MED12L: variants seen among roughly 807,000 people sequenced by gnomAD.
MED12L encodes the protein mediator of RNA polymerase II transcription subunit 12-like protein.
In MED12L, 60 loss-of-function variants were observed where a neutral mutation model predicts 281.3. The ratio of observed to expected loss-of-function variants is 0.21; its 90% CI spans 0.17 to 0.26. MED12L has a LOEUF of 0.26. Ranked by LOEUF, MED12L falls within the 10% of genes least tolerant of loss-of-function variation. The pLI, the probability that MED12L is intolerant of heterozygous loss-of-function variation, is 1.00. For missense variants in MED12L, 2,146 were observed against 2,680.9 expected, an observed-to-expected ratio of 0.80 and a Z score of 4.41; for synonymous variants, 974 against 987.2, an observed-to-expected ratio of 0.99 and a Z score of 0.25.
At chr3:151,244,945 T>C (rs1048230743) in intron 16 of MED12L, among the ~76,000 whole-genome samples, 2 of 152,156 alleles carry the variant, frequency 1.3e-5, no homozygotes, top group African/African-American at 4.8e-5. Flanking sequence ...ATATCACCAC[T>C]GATCCCACAG....
chr3:151,368,699 C>CATTTT, intron 25 of MED12L, among the ~76,000 whole-genome samples: 1 of 39,448 alleles, frequency 2.5e-5, no homozygotes, highest in East Asian at 7.3e-4. Flanking sequence ...TATTTCATTT[C>CATTTT]ATTTCATTTC....
At chr3:151,089,012 G>A (rs1719665386) in intron 2 of MED12L, among the ~76,000 whole-genome samples, 1 of 152,174 alleles carries the variant, frequency 6.6e-6, no homozygotes, top group African/African-American at 2.4e-5. Context: ...GGTGGTTGGT[G>A]AGTAGAGTTT....
chr3:151,348,713 G>A (rs888574159), intron 16 of MED12L, among the ~76,000 whole-genome samples: 1 of 152,162 alleles, frequency 6.6e-6, no homozygotes, highest in African/African-American at 2.4e-5. Context: ...GCAATGGGAA[G>A]CAGTGGCAAG....
intron 39 of MED12L, among the ~76,000 whole-genome samples, chr3:151,403,037 T>A (rs906974099): frequency 1.2e-4 from 18 of 151,726 alleles, no homozygotes; most frequent in African/African-American, 4.1e-4. Context: ...TTTTTTTTTT[T>A]AATAAATTTT....
At chr3:151,378,498 A>AT (rs535091241) in intron 31 of MED12L, among the ~76,000 whole-genome samples, 2 of 151,638 alleles carry the variant, frequency 1.3e-5, no homozygotes, top group Non-Finnish European at 2.9e-5. Context: ...AATTATTTCT[A>AT]TTTTTTTATT....
intron 16 of MED12L, among the ~76,000 whole-genome samples, chr3:151,216,553 G>T (rs943273372): frequency 2.7e-4 from 41 of 152,040 alleles, no homozygotes; most frequent in Non-Finnish European, 1.5e-4. Context: ...TTGCTTTATG[G>T]CAAAACTAGA....
At chr3:151,416,275 T>G in intron 42 of MED12L, 37 bp from the exon 43 acceptor site, 1 of 1,612,416 alleles carries the variant, frequency 6.2e-7, no homozygotes. Context: ...GTTTTCTTCT[T>G]CCTTTTAAGT....
At chr3:151,190,053 A>G (rs1472915867) in intron 13 of MED12L, among the ~76,000 whole-genome samples, 1 of 152,228 alleles carries the variant, frequency 6.6e-6, no homozygotes, top group African/African-American at 2.4e-5. Context: ...TAGAAAAAGC[A>G]GTCATGAACT....
At chr3:151,257,290 C>T (rs1424632360) in intron 16 of MED12L, among the ~76,000 whole-genome samples, 1 of 152,200 alleles carries the variant, frequency 6.6e-6, no homozygotes, top group Non-Finnish European at 1.5e-5. Flanking sequence ...TTTTCAGAAC[C>T]TTTCCACTGC....
chr3:151,211,441 C>CT (rs1017340059), intron 16 of MED12L, among the ~76,000 whole-genome samples: 1 of 147,234 alleles, frequency 6.8e-6, no homozygotes, highest in Admixed American at 6.8e-5. Context: ...TTATAGCAAG[C>CT]TTAGTTTACC....
intron 16 of MED12L, chr3:151,214,191 C>A (rs764777471): frequency 1.9e-6 from 3 of 1,614,094 alleles, no homozygotes. Flanking sequence ...TCCATCCTGA[C>A]ACTCCATTGA....
rs1317727649 is a variant in MED12L, at chr3:151,168,332, TA to T, written c.1494+2353del. Among the ~76,000 whole-genome samples the T allele has an allele frequency of 2.6e-5, 4 of 152,180 alleles. No homozygotes were observed. In the East Asian group the frequency reaches 7.7e-4, roughly 29 times the overall value. ...TATGATCGTATAGGTATAGAAGTTATAAATAAGTGTGTGTTGAAAGTTTTTA... is the reference window on the plus strand; with the variant it reads ...TATGATCGTATAGGTATAGAAGTTATAATAAGTGTGTGTTGAAAGTTTTTA... On this transcript the variant is annotated intron_variant, in intron 11 of 44. Coordinates refer to ENST00000687756, the MANE Select transcript of MED12L (RefSeq NM_001393769.1).
intron 16 of MED12L, among the ~76,000 whole-genome samples, chr3:151,234,012 A>G (rs1318604718): frequency 6.6e-6 from 1 of 152,250 alleles, no homozygotes; most frequent in Non-Finnish European, 1.5e-5. Flanking sequence ...CACTTTGGAA[A>G]GGGAATTGGA....
At chr3:151,418,178 C>T (rs559230455) in intron 43 of MED12L, among the ~76,000 whole-genome samples, 28 of 152,180 alleles carry the variant, frequency 1.8e-4, no homozygotes, top group African/African-American at 6.3e-4. Context: ...TCACTCCCCC[C>T]ACCTACTGCC....
chr3:151,409,285 C>T lies in MED12L; in HGVS notation c.5863C>T (p.Arg1955Trp), dbSNP rs751997643. Residue 1955 changes from arginine to tryptophan, a missense_variant, in exon 40 of 45, where the codon CGG (arginine) becomes TGG (tryptophan). Transcript: ENST00000687756. Reference sequence around the variant, plus strand: ...GGCTGCTCTCTTTGCTGCGCAAGCACGGCCCTCCCCTCAGCTCCCTCAGTA... The same window carrying T: ...GGCTGCTCTCTTTGCTGCGCAAGCATGGCCCTCCCCTCAGCTCCCTCAGTA... The part of the protein sequence containing the change: ...DQAALFAAQA[R>W]PSPQLPQYPG... 9.3e-6 allele frequency: 15 copies of T among 1,612,842 alleles called. No homozygotes were observed. Among genetic ancestry groups the T allele is most frequent in the Middle Eastern group, 1.7e-4 (1 of 5,922 alleles).
At chr3:151,164,207 C>T (rs73016789) in intron 9 of MED12L, among the ~76,000 whole-genome samples, 165 bp downstream of exon 9, 5,985 of 152,222 alleles carry the variant, frequency 0.039, 387 homozygotes, top group African/African-American at 0.14. Context: ...CTCTTCAGAA[C>T]CACTGAAATT....
chr3:151,357,484 T>C (rs1754071462), intron 20 of MED12L, 108 bp downstream of exon 20: 5 of 982,672 alleles, frequency 5.1e-6, no homozygotes, highest in Admixed American at 3.0e-5. Context: ...CCTGTTTTAG[T>C]TAAAACATGG....
intron 2 of MED12L, among the ~76,000 whole-genome samples, chr3:151,090,613 G>A (rs1430346531): frequency 6.6e-6 from 1 of 152,190 alleles, no homozygotes; most frequent in Non-Finnish European, 1.5e-5. Flanking sequence ...GTGACTGAGG[G>A]CTGTTGGGGA....
chr3:151,242,885 G>A (rs1734504533), intron 16 of MED12L, among the ~76,000 whole-genome samples: 1 of 148,974 alleles, frequency 6.7e-6, no homozygotes, highest in African/African-American at 2.5e-5. Flanking sequence ...TTAGAAGAAT[G>A]TATAACTAGA....
Sources: allele counts gnomAD v4.1 joint callset (sites outside exome capture counted in the v4.1 genomes callset), GRCh38; gene constraint gnomAD v4.1.1; transcripts MANE v1.5; gene names NCBI Gene and HGNC (gene_info 2026-07-23, HGNC 2026-07-21).